Variants in MACROH2A2 observed in about 807,000 individuals in gnomAD.
MACROH2A2 encodes the protein macroH2A.2 histone.
In MACROH2A2, 6 loss-of-function variants were observed where a neutral mutation model predicts 37.6. That is an observed-to-expected ratio of 0.16 (90% CI 0.09 to 0.32). The LOEUF is 0.32. Among genes scored for constraint, MACROH2A2 ranks in the 10% least tolerant of loss-of-function variants. The probability of loss-of-function intolerance (pLI) is 1.00; values close to 1 mark genes in which losing one functional copy is unlikely to be tolerated. For synonymous variants in MACROH2A2, 192 were observed against 202.7 expected, an observed-to-expected ratio of 0.95 and a Z score of 0.45; for missense variants, 290 against 485.9, an observed-to-expected ratio of 0.60 and a Z score of 3.79.
chr10:70,060,498 A>G (rs941790463), intron 1 of MACROH2A2, among the ~76,000 whole-genome samples: 1 of 152,300 alleles, frequency 6.6e-6, no homozygotes, highest in African/African-American at 2.4e-5. Context: ...AGAGCAGACA[A>G]CTGGCCCCAC....
At chr10:70,101,949 A>C (rs1355439541) in intron 7 of MACROH2A2, among the ~76,000 whole-genome samples, 2 of 152,182 alleles carry the variant, frequency 1.3e-5, no homozygotes, top group African/African-American at 4.8e-5. Context: ...TCTGTGCACA[A>C]GTTTTTTTTA....
At chr10:70,109,351 T>A in intron 8 of MACROH2A2, 144 bp downstream of exon 8, 1 of 692,792 alleles carries the variant, frequency 1.4e-6, no homozygotes, top group Non-Finnish European at 2.4e-6. Flanking sequence ...GGAAACCCGG[T>A]TTTCATCCTT....
intron 1 of MACROH2A2, among the ~76,000 whole-genome samples, chr10:70,070,267 CTT>C (rs1368384326): frequency 6.6e-6 from 1 of 152,164 alleles, no homozygotes; most frequent in Non-Finnish European, 1.5e-5. Flanking sequence ...CACACTTAGA[CTT>C]CAGATGGAGC....
chr10:70,054,257 TGG>T (rs1564538642), intron 1 of MACROH2A2, among the ~76,000 whole-genome samples: 1 of 152,080 alleles, frequency 6.6e-6, no homozygotes, highest in African/African-American at 2.4e-5. Flanking sequence ...CGAGAAGAAA[TGG>T]GCTGAGAAAC....
chr10:70,073,587 A>G (rs1337843105), intron 1 of MACROH2A2, among the ~76,000 whole-genome samples: 1 of 152,214 alleles, frequency 6.6e-6, no homozygotes, highest in African/African-American at 2.4e-5. Flanking sequence ...CATTTTAAAT[A>G]ATGTATATGA....
rs372092286 is a variant in MACROH2A2 at position 70,111,701 on chromosome 10, A to G, written c.*18A>G. On this transcript the variant is annotated 3_prime_UTR_variant, in exon 9 of 9. Coordinates refer to ENST00000373255, the MANE Select transcript of MACROH2A2 (RefSeq NM_018649.3). The stretch of plus-strand genomic sequence containing the variant: ...CCAAGTAGCCGCCGCACTTTCCAGC[A>G]GGGATCGGAGGACGACCCGAGTCCC... 25 of 1,570,822 alleles carry G rather than the reference A, an allele frequency of 1.6e-5. No individual in the cohort carries two copies. In the African/African-American group the frequency reaches 3.4e-4, roughly 21 times the overall value.
At chr10:70,084,651 G>T (rs1477887961) in intron 2 of MACROH2A2, among the ~76,000 whole-genome samples, 1 of 152,106 alleles carries the variant, frequency 6.6e-6, no homozygotes, top group South Asian at 2.1e-4. Flanking sequence ...GCCCAGGCTG[G>T]AGTGCAGTGG....
chr10:70,079,565 G>GCA (rs56247035), intron 2 of MACROH2A2, among the ~76,000 whole-genome samples: 11,927 of 126,026 alleles, frequency 0.095, 627 homozygotes, highest in Middle Eastern at 0.12. Flanking sequence ...GCGCGCGCGC[G>GCA]CACACACACA....
chr10:70,075,673 T>C lies in MACROH2A2; in HGVS notation c.15T>C (p.Ser5=). The C allele has an allele frequency of 6.2e-7, 1 of 1,613,768 alleles. No homozygotes were observed. The highest frequency in any genetic ancestry group is 8.5e-7 in the Non-Finnish European group (1 of 1,179,912). The change falls in exon 2 of 9, where the codon AGT becomes AGC. Residue 5 remains serine, a synonymous_variant. Coordinates refer to ENST00000373255, the MANE Select transcript of MACROH2A2 (RefSeq NM_018649.3). The surrounding 1 kb of genome is among the most constrained non-coding windows in gnomAD (Gnocchi z 5.0). ...ACTGAAGCAAGATGTCGGGCCGGAG[T>C]GGGAAGAAGAAAATGTCCAAGCTGT... MSGR[S]GKKKMSKLSR...
chr10:70,098,643 T>G (rs2072289519), intron 6 of MACROH2A2: 1 of 152,264 alleles, frequency 6.6e-6, no homozygotes, highest in Non-Finnish European at 1.5e-5. Flanking sequence ...TTCTTTGCTT[T>G]TTTATAACTT....
intron 8 of MACROH2A2, 31 bp downstream of exon 8, chr10:70,109,238 C>T: frequency 6.3e-7 from 1 of 1,588,218 alleles, no homozygotes; most frequent in South Asian, 1.1e-5. Flanking sequence ...GTTGATTCCT[C>T]CGGCTTTTTC....
chr10:70,106,926 A>AT (rs1223452781), intron 7 of MACROH2A2, among the ~76,000 whole-genome samples: 1 of 152,160 alleles, frequency 6.6e-6, no homozygotes, highest in Non-Finnish European at 1.5e-5. Flanking sequence ...TCTGTCCGGC[A>AT]TACAATAGCA....
intron 1 of MACROH2A2, among the ~76,000 whole-genome samples, chr10:70,067,892 G>A (rs996955949): frequency 6.6e-6 from 1 of 152,166 alleles, no homozygotes; most frequent in Non-Finnish European, 1.5e-5. Flanking sequence ...TGAAAAGGGA[G>A]GAGGAAGGTG....
At chr10:70,065,647 C>T (rs1339699814) in intron 1 of MACROH2A2, among the ~76,000 whole-genome samples, 5 of 151,596 alleles carry the variant, frequency 3.3e-5, no homozygotes, top group Admixed American at 2.6e-4. Context: ...ATATGATTAC[C>T]AAAATTAGAT....
At chr10:70,100,144 T>C (rs1299900080) in intron 6 of MACROH2A2, 64 bp from the exon 7 acceptor site, 2 of 825,230 alleles carry the variant, frequency 2.4e-6, no homozygotes, top group East Asian at 5.1e-5. Context: ...ACTACAAATA[T>C]GTCAAACAGT....
At chr10:70,104,047 T>C (rs2072321475) in intron 7 of MACROH2A2, among the ~76,000 whole-genome samples, 1 of 152,132 alleles carries the variant, frequency 6.6e-6, no homozygotes, top group African/African-American at 2.4e-5. Flanking sequence ...GCTAAGACAT[T>C]GGTGCAAATA....
At chr10:70,060,665 C>A (rs1350761603) in intron 1 of MACROH2A2, among the ~76,000 whole-genome samples, 2 of 152,238 alleles carry the variant, frequency 1.3e-5, no homozygotes, top group African/African-American at 4.8e-5. Context: ...TTGGGAATCT[C>A]ATCTTGGCTC....
At chr10:70,108,227 AAAAAT>A (rs2072349427) in intron 7 of MACROH2A2, among the ~76,000 whole-genome samples, 2 of 152,158 alleles carry the variant, frequency 1.3e-5, no homozygotes, top group Admixed American at 6.5e-5. Flanking sequence ...CTAAAAATAA[AAAAAT>A]AAAAATAAAA....
At chr10:70,054,705 T>C (rs542305442) in intron 1 of MACROH2A2, among the ~76,000 whole-genome samples, 2 of 152,242 alleles carry the variant, frequency 1.3e-5, no homozygotes, top group South Asian at 4.1e-4. Context: ...TGTTAAGAGC[T>C]CCAAGATTTG....
Sources: gnomAD v4.1 joint callset for allele counts (sites outside exome capture counted in the v4.1 genomes callset) on GRCh38, gnomAD v4.1.1 for gene constraint, Gnocchi (gnomAD v3.1) non-coding constraint, MANE v1.5 for transcripts, NCBI Gene and HGNC (gene_info 2026-07-23, HGNC 2026-07-21) for gene names.